Variants in ZSWIM6 observed in about 807,000 individuals in gnomAD.
ZSWIM6 encodes zinc finger SWIM domain-containing protein 6.
A neutral mutation model predicts 113.2 loss-of-function variants in ZSWIM6; 9 were observed. The ratio of observed to expected loss-of-function variants is 0.08; its 90% CI spans 0.05 to 0.14. ZSWIM6 has a LOEUF of 0.14. Among genes scored for constraint, ZSWIM6 ranks in the 10% least tolerant of loss-of-function variants. ZSWIM6 has a pLI of 1.00. For missense variants in ZSWIM6, 1,162 were observed against 1,552.2 expected, an observed-to-expected ratio of 0.75 and a Z score of 4.22; for synonymous variants, 611 against 606.5, an observed-to-expected ratio of 1.01 and a Z score of -0.11.
chr5:61,345,888 G>A (rs117482093), intron 1 of ZSWIM6, among the ~76,000 whole-genome samples: 1 of 152,172 alleles, frequency 6.6e-6, no homozygotes, highest in Non-Finnish European at 1.5e-5. Context: ...TTTAGTGAAA[G>A]GTGAATTGCT....
chr5:61,508,254 A>G (rs1171680309), intron 4 of ZSWIM6, among the ~76,000 whole-genome samples: 1 of 152,308 alleles, frequency 6.6e-6, no homozygotes, highest in East Asian at 1.9e-4. Context: ...AAGTGGAGCA[A>G]TCTTTGCACC....
intron 1 of ZSWIM6, among the ~76,000 whole-genome samples, chr5:61,417,881 T>A (rs574929629): frequency 6.3e-4 from 96 of 152,320 alleles, no homozygotes; most frequent in Non-Finnish European, 1.0e-3. Context: ...TTAGGAAGCT[T>A]CAAGAAAGAC....
chr5:61,469,433 A>G (rs1335449071), intron 1 of ZSWIM6, among the ~76,000 whole-genome samples: 2 of 152,148 alleles, frequency 1.3e-5, no homozygotes, highest in East Asian at 1.9e-4. Flanking sequence ...AGACATGTAT[A>G]TGTTTATTTG....
chr5:61,456,946 G>T (rs1249576642), intron 1 of ZSWIM6, among the ~76,000 whole-genome samples: 1 of 143,276 alleles, frequency 7.0e-6, no homozygotes, highest in African/African-American at 2.6e-5. Flanking sequence ...GGGTACATGT[G>T]CACATTGTGC....
At chr5:61,417,031 A>G (rs928707439) in intron 1 of ZSWIM6, among the ~76,000 whole-genome samples, 1 of 151,832 alleles carries the variant, frequency 6.6e-6, no homozygotes, top group Non-Finnish European at 1.5e-5. Flanking sequence ...AATCCCAGCT[A>G]CTCGGGAGGC....
chr5:61,519,495 C>T (rs1003529056), intron 4 of ZSWIM6, among the ~76,000 whole-genome samples: 2 of 152,102 alleles, frequency 1.3e-5, no homozygotes, highest in African/African-American at 4.8e-5. Context: ...GTTTTATTTT[C>T]TCTCTCCAAT....
At position 61,332,846 on chromosome 5, in the gene ZSWIM6, G is replaced by A. The variant is rs1744293080; in HGVS notation, c.574G>A (p.Gly192Arg). Reference protein sequence around the residue: ...AAAGAGAPSVGAAGAADGGDE... With the variant: ...AAAGAGAPSVRAAGAADGGDE... ...CGCGGGGGCCGGGGCCCCGTCGGTGGGGGCTGCCGGGGCGGCGGACGGCGG... is the reference window on the plus strand; with the variant it reads ...CGCGGGGGCCGGGGCCCCGTCGGTGAGGGCTGCCGGGGCGGCGGACGGCGG... Residue 192 changes from glycine (G) to arginine (R), a missense_variant, in exon 1 of 14, where the codon GGG becomes AGG. Gly to Arg is a moderately radical substitution (Grantham distance 125). Around this residue, in one of 4 missense-constraint regions of ZSWIM6, gnomAD observed 333 missense variants for 293.4 expected, o/e 1.13. Coordinates refer to ENST00000252744, the MANE Select transcript of ZSWIM6 (RefSeq NM_020928.2). 1.8e-6 allele frequency: 2 copies of A among 1,092,484 alleles called. No homozygotes were observed. Among genetic ancestry groups the A allele is most frequent in the South Asian group, 6.7e-5 (2 of 30,020 alleles). The allele number at this position is 1,092,484 out of a possible 1,614,324, so 67.7% of individuals were successfully genotyped here. A position where few individuals can be genotyped will look rare whatever the true frequency, so the allele number is the denominator to read the frequency against.
intron 2 of ZSWIM6, among the ~76,000 whole-genome samples, chr5:61,488,170 A>G (rs113415250): frequency 0.026 from 4,020 of 151,974 alleles, 81 homozygotes; most frequent in Non-Finnish European, 0.044. Context: ...ACATTTCTCA[A>G]TTTGCATGTT....
chr5:61,371,190 C>T (rs1374713111), intron 1 of ZSWIM6, among the ~76,000 whole-genome samples: 5 of 151,948 alleles, frequency 3.3e-5, no homozygotes, highest in Non-Finnish European at 7.4e-5. Context: ...GATGTTTAGT[C>T]GCCAGTTCTG....
rs191722929 is a variant in ZSWIM6, at chr5:61,519,182, G to A, written c.1334-2081G>A. On this transcript the variant is annotated intron_variant, in intron 4 of 13. Transcript: ENST00000252744. ...ATTGTTTCCCCTCCATTGGGTGATA[G>A]TTCCAATGTCAGTTAGTTTTCAAAA... Among the ~76,000 whole-genome samples, 159 of 152,286 alleles carry A rather than the reference G, an allele frequency of 1.0e-3. 1 individual carries two copies. The highest frequency in any genetic ancestry group is 3.6e-3 in the African/African-American group (149 of 41,558).
At chr5:61,486,473 T>A (rs910004491) in intron 2 of ZSWIM6, among the ~76,000 whole-genome samples, 1 of 152,190 alleles carries the variant, frequency 6.6e-6, no homozygotes, top group Admixed American at 6.6e-5. Context: ...GTGGGATTGC[T>A]GGATGGAATG....
intron 4 of ZSWIM6, among the ~76,000 whole-genome samples, chr5:61,518,017 C>T (rs1186686400): frequency 1.4e-5 from 2 of 143,546 alleles, no homozygotes; most frequent in African/African-American, 5.2e-5. Flanking sequence ...CAATTGCCAT[C>T]TATGAGTGAG....
At chr5:61,347,258 T>C (rs891483798) in intron 1 of ZSWIM6, 1 of 177,558 alleles carries the variant, frequency 5.6e-6, no homozygotes, top group Non-Finnish European at 1.3e-5. Flanking sequence ...AATACCAAGC[T>C]CTGTGCAACA....
chr5:61,339,265 G>T (rs566669387), intron 1 of ZSWIM6, among the ~76,000 whole-genome samples: 1 of 152,250 alleles, frequency 6.6e-6, no homozygotes, highest in African/African-American at 2.4e-5. Flanking sequence ...AATTAGCCGG[G>T]CGTAGTGGTA....
intron 1 of ZSWIM6, among the ~76,000 whole-genome samples, chr5:61,388,556 A>G (rs1745638742): frequency 6.6e-6 from 1 of 152,246 alleles, no homozygotes; most frequent in African/African-American, 2.4e-5. Flanking sequence ...CAAGTGCTGC[A>G]TACTGTTATA....
chr5:61,411,481 A>G (rs775088005), intron 1 of ZSWIM6, among the ~76,000 whole-genome samples: 1 of 152,190 alleles, frequency 6.6e-6, no homozygotes, highest in Non-Finnish European at 1.5e-5. Context: ...GGAAATTTCA[A>G]CCTTGTCTTT....
intron 1 of ZSWIM6, among the ~76,000 whole-genome samples, chr5:61,450,773 G>T (rs902610033): frequency 6.6e-6 from 1 of 152,152 alleles, no homozygotes; most frequent in African/African-American, 2.4e-5. Context: ...ATTTATGAAG[G>T]TAAAGCTTGT....
chr5:61,489,373 A>G (rs975636130), intron 2 of ZSWIM6, among the ~76,000 whole-genome samples: 3 of 152,004 alleles, frequency 2.0e-5, no homozygotes, highest in African/African-American at 4.8e-5. Context: ...TTATACATTT[A>G]TATATATGAT....
chr5:61,530,244 C>T (rs1749394986), intron 8 of ZSWIM6, 46 bp downstream of exon 8: 1 of 1,508,152 alleles, frequency 6.6e-7, no homozygotes, highest in Non-Finnish European at 8.9e-7. Flanking sequence ...TTTTCTAAAC[C>T]CTGAATGGCA....
Sources: gnomAD v4.1 joint callset for allele counts (sites outside exome capture counted in the v4.1 genomes callset) on GRCh38, gnomAD v4.1.1 for gene constraint, gnomAD v4.1.1 regional missense constraint, MANE v1.5 for transcripts, NCBI Gene and HGNC (gene_info 2026-07-23, HGNC 2026-07-21) for gene names.